The following TRIM66 variants were observed in gnomAD, a reference collection of about 807,000 sequenced individuals.
The protein encoded by TRIM66 is tripartite motif-containing protein 66.
TRIM66 carries 99 observed loss-of-function variants against 148.2 expected under a neutral mutation model. That is an observed-to-expected ratio of 0.67 (90% CI 0.57 to 0.79). TRIM66 has a LOEUF of 0.79. Ranked by LOEUF, TRIM66 falls within the 30% of genes least tolerant of loss-of-function variation. The pLI, the probability that TRIM66 is intolerant of heterozygous loss-of-function variation, is 0.00. For missense variants in TRIM66, 1,666 were observed against 1,697.9 expected, an observed-to-expected ratio of 0.98 and a Z score of 0.33; for synonymous variants, 616 against 635.9, an observed-to-expected ratio of 0.97 and a Z score of 0.47.
intron 1 of TRIM66, chr11:8,680,967 T>C (rs960230488): frequency 6.6e-6 from 1 of 152,228 alleles, no homozygotes; most frequent in African/African-American, 2.4e-5. Flanking sequence ...GAGTCCAATT[T>C]GGCAATTCGT....
At chr11:8,658,768 G>A (rs2038046985) in intron 6 of TRIM66, 3 of 985,340 alleles carry the variant, frequency 3.0e-6, no homozygotes, top group South Asian at 4.7e-5. Flanking sequence ...AGGAGCCCAA[G>A]ATATCCCTCC....
At chr11:8,621,547 C>T (rs1474536744) in intron 19 of TRIM66, 98 bp downstream of exon 19, 1 of 1,421,728 alleles carries the variant, frequency 7.0e-7, no homozygotes, top group Non-Finnish European at 9.3e-7. Context: ...CCATCAGAGA[C>T]TCAGGAAAGG....
At chr11:8,619,654 A>G (rs1036162583) in intron 22 of TRIM66, 119 bp from the exon 23 acceptor site, 34 of 973,828 alleles carry the variant, frequency 3.5e-5, no homozygotes, top group Non-Finnish European at 4.7e-5. Flanking sequence ...GAATAGGAAG[A>G]GGAATGATGA....
At position 8,672,074 on chromosome 11, in the gene TRIM66, G is replaced by A. The variant is rs748226758; in HGVS notation, c.52C>T (p.Arg18Cys). Residue 18 changes from arginine (R) to cysteine (C), a missense_variant, in exon 6 of 25, where the codon CGC becomes TGC. This residue lies in a region of TRIM66 where 1,431 missense variants were observed against 1,412.4 expected (regional missense o/e 1.01). Transcript: ENST00000646038. ...SQGVELARST[R>C]CFSPEDISGK... ...CTGATATCCTCAGGTGAGAAGCAGC[G>A]TGTAGAGCGAGCCAGCTCCACTCCC... The A allele has an allele frequency of 9.6e-5, 147 of 1,534,570 alleles. No individual in the cohort carries two copies. The highest frequency in any genetic ancestry group is 1.2e-4 in the Non-Finnish European group (143 of 1,146,300).
At chr11:8,656,964 C>T (rs1357483391) in intron 6 of TRIM66, among the ~76,000 whole-genome samples, 1 of 152,208 alleles carries the variant, frequency 6.6e-6, no homozygotes, top group Admixed American at 6.5e-5. Flanking sequence ...AGCTCAACTG[C>T]AGGACCCATG....
intron 9 of TRIM66, 96 bp downstream of exon 9, chr11:8,648,320 G>A (rs2037048745): frequency 2.9e-5 from 44 of 1,494,564 alleles, no homozygotes; most frequent in Admixed American, 6.6e-5. Flanking sequence ...GGCTTGGGCA[G>A]GGAGAAGATT....
upstream of TRIM66, chr11:8,682,757 T>C (rs2039504936): frequency 1.9e-6 from 3 of 1,612,904 alleles, no homozygotes; most frequent in Non-Finnish European, 2.5e-6. Context: ...CCCGCCCCCG[T>C]GGCCGATACC....
At chr11:8,641,938 G>C (rs545049968) in intron 13 of TRIM66, among the ~76,000 whole-genome samples, 1 of 152,150 alleles carries the variant, frequency 6.6e-6, no homozygotes, top group Non-Finnish European at 1.5e-5. Context: ...CCCAGAAGCC[G>C]AGCAGGTTCC....
rs2033604605 is a variant in TRIM66, at chr11:8,614,554, G to C, written c.*3390C>G. On this transcript the variant is annotated 3_prime_UTR_variant, in exon 25 of 25. Transcript: ENST00000646038. ...AGCAGGGCAATTTTAGCAGTACTGA[G>C]GGATGGAGAAGAAGCCCAGGAAGGG... is the stretch of plus-strand genomic sequence containing the variant. 6.6e-6 allele frequency: 1 copy of C among 152,568 alleles called. No individual in the cohort carries two copies. Among genetic ancestry groups the C allele is most frequent in the Non-Finnish European group, 1.5e-5 (1 of 68,380 alleles). The allele number at this position is 152,568 out of a possible 1,614,324, so 9.5% of individuals were successfully genotyped here. A position where few individuals can be genotyped will look rare whatever the true frequency, so the allele number is the denominator to read the frequency against.
At chr11:8,678,617 G>A (rs555012071) in intron 3 of TRIM66, among the ~76,000 whole-genome samples, 3 of 152,250 alleles carry the variant, frequency 2.0e-5, no homozygotes, top group African/African-American at 7.2e-5. Flanking sequence ...TGGGATTTCT[G>A]AGCTTTTCTC....
intron 3 of TRIM66, among the ~76,000 whole-genome samples, chr11:8,675,402 G>C (rs2039128856): frequency 6.6e-6 from 1 of 152,104 alleles, no homozygotes; most frequent in Non-Finnish European, 1.5e-5. Flanking sequence ...TCTTTTTTTA[G>C]ATGCAGTTTT....
At chr11:8,681,912 G>A (rs1156362358) in intron 1 of TRIM66, among the ~76,000 whole-genome samples, 1 of 152,072 alleles carries the variant, frequency 6.6e-6, no homozygotes, top group Non-Finnish European at 1.5e-5. Flanking sequence ...TTCAAAAATA[G>A]CATTTATTTT....
At chr11:8,650,514 G>A (rs1163604449) in intron 7 of TRIM66, among the ~76,000 whole-genome samples, 2 of 151,710 alleles carry the variant, frequency 1.3e-5, no homozygotes, top group African/African-American at 4.8e-5. Flanking sequence ...GGAGGAGGAG[G>A]AGGAGCAGCA....
At chr11:8,634,222 G>A (rs561836660) in intron 15 of TRIM66, among the ~76,000 whole-genome samples, 1 of 152,318 alleles carries the variant, frequency 6.6e-6, no homozygotes, top group Admixed American at 6.5e-5. Flanking sequence ...TTGGAGTGCA[G>A]TGGCGCAATC....
intron 6 of TRIM66, among the ~76,000 whole-genome samples, chr11:8,660,312 G>A (rs574440159): frequency 1.5e-3 from 227 of 152,194 alleles, no homozygotes; most frequent in African/African-American, 4.9e-3. Context: ...CCCCTCCCCT[G>A]CGTGTGCCTC....
chr11:8,658,492 C>A (rs968178475), intron 6 of TRIM66, among the ~76,000 whole-genome samples: 1 of 152,184 alleles, frequency 6.6e-6, no homozygotes, highest in African/African-American at 2.4e-5. Flanking sequence ...TGCCCCGATC[C>A]GGCAGCTCAT....
intron 6 of TRIM66, among the ~76,000 whole-genome samples, chr11:8,666,867 T>C (rs931823179): frequency 2.6e-5 from 4 of 152,216 alleles, no homozygotes; most frequent in Admixed American, 1.3e-4. Flanking sequence ...TGGAGTGCAG[T>C]GGCGCGATCT....
At chr11:8,666,511 T>C (rs973156580) in intron 6 of TRIM66, among the ~76,000 whole-genome samples, 9 of 152,158 alleles carry the variant, frequency 5.9e-5, no homozygotes, top group Admixed American at 2.0e-4. Flanking sequence ...TTTGTTTTTT[T>C]ACCTTTCTTA....
chr11:8,618,951 T>G lies in TRIM66; in HGVS notation c.3918A>C (p.Ala1306=). ...AKFNYPDSEV[A]EAGRCLEVFF... ...ACACTTCCAGGCAGCGGCCAGCCTC[T>G]GCAACCTCGGAGTCAGGCTGATGGG... The change falls in exon 24 of 25, where the codon GCA becomes GCC. Residue 1306 remains alanine (A), a synonymous_variant. Transcript: ENST00000646038. 6.4e-7 allele frequency: 1 copy of G among 1,551,472 alleles called. No homozygotes were observed. Among genetic ancestry groups the G allele is most frequent in the Non-Finnish European group, 8.7e-7 (1 of 1,146,950 alleles).
Sources: allele counts gnomAD v4.1 joint callset (sites outside exome capture counted in the v4.1 genomes callset), GRCh38; gene constraint gnomAD v4.1.1; regional missense constraint gnomAD v4.1.1; transcripts MANE v1.5; gene names NCBI Gene and HGNC (gene_info 2026-07-23, HGNC 2026-07-21).